MX2: variants seen among roughly 807,000 people sequenced by gnomAD.
MX2 encodes the protein MX dynamin like GTPase 2, also known as interferon-induced GTP-binding protein Mx2.
Under a neutral mutation model 74.0 loss-of-function variants are expected in MX2, and 51 were observed. The ratio of observed to expected loss-of-function variants is 0.69; its 90% confidence interval spans 0.55 to 0.87. The LOEUF is 0.87. MX2 is among the 40% of genes least tolerant of loss of function. The probability of loss-of-function intolerance (pLI) is 0.00; values close to 1 mark genes in which losing one functional copy is unlikely to be tolerated. For synonymous variants in MX2, 369 were observed against 339.3 expected, an observed-to-expected ratio of 1.09 and a Z score of -0.96; for missense variants, 832 against 908.7, an observed-to-expected ratio of 0.92 and a Z score of 1.09.
rs772900511 is a variant in MX2, at chr21:41,398,883, A to G, written c.1150-14A>G. On this transcript the variant is annotated splice_polypyrimidine_tract_variant and intron_variant, in intron 8 of 13. Transcript: ENST00000330714. ...TTAAGCCGCAGTTTGATTGTTTGCA[A>G]TTGTTTTGTTTAGAAATCGCTCCCG... 1.4e-4 allele frequency: 224 copies of G among 1,609,990 alleles called. 1 individual carries two copies. Among genetic ancestry groups the G allele is most frequent in the South Asian group, 1.4e-3 (124 of 90,892 alleles).
chr21:41,369,035 C>T lies in MX2; in HGVS notation c.-72+6980C>T, dbSNP rs1337466402. ...GAGAAAGTCTCCGTAGGGCTAGGAG[C>T]TGTTTGTGCCAACTTTAGATGGACT... On this transcript the variant is annotated intron_variant, in intron 1 of 13. Coordinates refer to ENST00000330714, the MANE Select transcript of MX2 (RefSeq NM_002463.2). Among the ~76,000 whole-genome samples the T allele has an allele frequency of 2.6e-5, 4 of 152,354 alleles. No homozygotes were observed. In the East Asian group the frequency reaches 7.7e-4, roughly 29 times the overall value.
Position 41,377,073 on chromosome 21 carries a change from C to T in MX2, c.167C>T (p.Ala56Val). 1.2e-6 allele frequency: 2 copies of T among 1,614,230 alleles called. No individual in the cohort carries two copies. The highest frequency in any genetic ancestry group is 1.7e-6 in the Non-Finnish European group (2 of 1,180,038). Residue 56 changes from alanine (A) to valine (V), a missense_variant, in exon 2 of 14, where the codon GCT (alanine) becomes GTT (valine). Coordinates refer to ENST00000330714, the MANE Select transcript of MX2 (RefSeq NM_002463.2). ...AACTGGCAGGGGGCAGAGAAGGACG[C>T]TGCTTTCCTCGCCAAGGACTTCAAC... ...PPNWQGAEKD[A>V]AFLAKDFNFL...
In MX2 at chr21:41,362,704, A is replaced by T. The variant is rs574627606; in HGVS notation, c.-72+649A>T. Among the ~76,000 whole-genome samples the T allele has an allele frequency of 2.0e-5, 3 of 148,108 alleles. No individual in the cohort carries two copies. The South Asian group carries it at 6.4e-4, about 32-fold the overall frequency. ...CTGAAGTCCATTTTATAATTGATAT[A>T]GAGCGGAAAGGAGACATGGTGGTAT... On this transcript the variant is annotated intron_variant, in intron 1 of 13. Coordinates refer to ENST00000330714, the MANE Select transcript of MX2 (RefSeq NM_002463.2).
Position 41,363,436 on chromosome 21 carries a change from G to A in MX2, c.-72+1381G>A, listed in dbSNP as rs1273334172. 6.6e-6 allele frequency: 1 copy of A among 152,218 alleles called. No homozygotes were observed. Among genetic ancestry groups the A allele is most frequent in the Non-Finnish European group, 1.5e-5 (1 of 68,076 alleles). 9.4% of individuals were successfully genotyped at this position (152,218 alleles called of 1,614,324 possible). ...CAGGATGTATGTGAGCTTTATTTAG[G>A]TTTAGCCCCTGCCCTAGAATGCAAG... is the stretch of plus-strand genomic sequence containing the variant. On this transcript the variant is annotated intron_variant, in intron 1 of 13. Coordinates refer to ENST00000330714, the MANE Select transcript of MX2 (RefSeq NM_002463.2). The surrounding 1 kb of genome is among the most constrained non-coding windows in gnomAD (Gnocchi z 4.2).
intron 6 of MX2, among the ~76,000 whole-genome samples, chr21:41,393,905 A>G (rs2089697479): frequency 6.6e-6 from 1 of 152,162 alleles, no homozygotes; most frequent in African/African-American, 2.4e-5. Flanking sequence ...CCAGTTCTAA[A>G]GCCAAATCAA....
Position 41,368,103 on chromosome 21 carries a change from C to T in MX2, c.-72+6048C>T, listed in dbSNP as rs1346473414. Among the ~76,000 whole-genome samples the T allele has an allele frequency of 6.6e-6, 1 of 152,204 alleles. No individual in the cohort carries two copies. Among genetic ancestry groups the T allele is most frequent in the Non-Finnish European group, 1.5e-5 (1 of 68,032 alleles). On this transcript the variant is annotated intron_variant, in intron 1 of 13. Transcript: ENST00000330714. This position sits in a 1 kb window ranked among gnomAD's most constrained non-coding sequence, Gnocchi z 4.6. ...GGCTGCGGAAGCTCCCACGTGGGGA[C>T]CAAGCCCTGGAGAGGAACCCACAGT...
At chr21:41,392,067 G>C (rs2089668362) in intron 6 of MX2, among the ~76,000 whole-genome samples, 1 of 150,886 alleles carries the variant, frequency 6.6e-6, no homozygotes, top group African/African-American at 2.5e-5. Context: ...TTATAAGTGA[G>C]AACATGTGGC....
chr21:41,385,532 T>A (rs1489371788), intron 5 of MX2, among the ~76,000 whole-genome samples: 2 of 152,228 alleles, frequency 1.3e-5, no homozygotes, highest in East Asian at 3.8e-4. Flanking sequence ...CCATCATGCT[T>A]CTGAGGCCTC....
At chr21:41,403,491 A>G in intron 12 of MX2, 148 bp downstream of exon 12, 2 of 771,830 alleles carry the variant, frequency 2.6e-6, no homozygotes, top group South Asian at 1.4e-5. Context: ...GGGCTGGTGG[A>G]GCTGGTGACT....
intron 10 of MX2, 199 bp downstream of exon 10, chr21:41,399,536 T>G: frequency 1.9e-6 from 1 of 520,364 alleles, no homozygotes; most frequent in East Asian, 3.2e-5. Context: ...CACAGGGCAA[T>G]TCCACTGCCT....
rs994134331 is a variant in MX2 at position 41,388,399 on chromosome 21, C to T, written c.733-2166C>T. On this transcript the variant is annotated intron_variant, in intron 5 of 13. Coordinates refer to ENST00000330714, the MANE Select transcript of MX2 (RefSeq NM_002463.2). This position sits in a 1 kb window ranked among gnomAD's most constrained non-coding sequence, Gnocchi z 4.0. ...GTGTGCATGCACGCTTCCCACTGCC[C>T]GGTGCTCTGCCCGCATGGCTCTCCG... 2.6e-5 allele frequency among the ~76,000 whole-genome samples: 4 copies of T among 152,190 alleles called. No individual in the cohort carries two copies. The highest frequency in any genetic ancestry group is 4.8e-5 in the African/African-American group (2 of 41,452).
intron 1 of MX2, among the ~76,000 whole-genome samples, chr21:41,371,609 C>A (rs922125973): frequency 1.3e-5 from 2 of 152,198 alleles, no homozygotes; most frequent in Non-Finnish European, 2.9e-5. Flanking sequence ...GCTGGAGTTA[C>A]TCCTGGTCAT....
intron 5 of MX2, chr21:41,390,246 T>A: frequency 3.1e-6 from 1 of 321,450 alleles, no homozygotes; most frequent in Non-Finnish European, 6.1e-6. Context: ...GTCACTCTAA[T>A]AGAAGGCAGG....
chr21:41,379,095 G>A lies in MX2; in HGVS notation c.443-922G>A, dbSNP rs532215054. ...GCCTCCCTGCTGCCACCTGCAGCCT[G>A]GTCCTTTACCCAGCGTGTCCCGTAA... On this transcript the variant is annotated intron_variant, in intron 3 of 13. Transcript: ENST00000330714. Among the ~76,000 whole-genome samples, 5 of 152,312 alleles carry A rather than the reference G, an allele frequency of 3.3e-5. No individual in the cohort carries two copies. In the South Asian group the frequency reaches 1.0e-3, roughly 32 times the overall value.
chr21:41,372,854 G>C (rs558370247), intron 1 of MX2: 2 of 152,378 alleles, frequency 1.3e-5, no homozygotes. Flanking sequence ...CACATGAAGA[G>C]ATAGAACATT....
chr21:41,378,052 A>G (rs2089432713), intron 3 of MX2, 71 bp downstream of exon 3: 1 of 1,525,716 alleles, frequency 6.6e-7, no homozygotes, highest in African/African-American at 1.4e-5. Flanking sequence ...TTCCCCAGGC[A>G]CCAAGAGGTT....
chr21:41,375,442 T>C (rs1408647078), intron 1 of MX2, among the ~76,000 whole-genome samples: 2 of 152,220 alleles, frequency 1.3e-5, no homozygotes, highest in African/African-American at 4.8e-5. Flanking sequence ...AGGCTGGAAG[T>C]CCCAGATCAA....
At chr21:41,390,885 A>G (rs1274551663) in intron 6 of MX2, among the ~76,000 whole-genome samples, 182 bp downstream of exon 6, 1 of 152,108 alleles carries the variant, frequency 6.6e-6, no homozygotes, top group East Asian at 1.9e-4. Context: ...TGGTGCCTGT[A>G]GTCCCAGCTA....
intron 5 of MX2, among the ~76,000 whole-genome samples, chr21:41,384,867 A>T (rs2089548918): frequency 6.6e-6 from 1 of 151,972 alleles, no homozygotes; most frequent in East Asian, 1.9e-4. Flanking sequence ...TTAAAAAACT[A>T]ATTAGGAATA....
Sources: allele counts gnomAD v4.1 joint callset (sites outside exome capture counted in the v4.1 genomes callset), GRCh38; gene constraint gnomAD v4.1.1; non-coding constraint Gnocchi (gnomAD v3.1); transcripts MANE v1.5; gene names NCBI Gene and HGNC (gene_info 2026-07-23, HGNC 2026-07-21).